PCDHA6: variants seen among roughly 807,000 people sequenced by gnomAD.
PCDHA6 encodes protocadherin alpha-6.
In PCDHA6, 55 loss-of-function variants were observed where a neutral mutation model predicts 60.3. The ratio of observed to expected loss-of-function variants is 0.91; its 90% CI spans 0.73 to 1.14. PCDHA6 has a LOEUF of 1.14. Among genes scored for constraint, PCDHA6 ranks in the 50% most tolerant of loss-of-function variants. The pLI is 0.00. For missense variants in PCDHA6, 1,327 were observed against 1,256.5 expected (o/e 1.06, Z -0.85); for synonymous variants, 652 against 557.9 (o/e 1.17, Z -2.38).
At chr5:140,948,395 T>C (rs1317288202) in intron 1 of PCDHA6, among the ~76,000 whole-genome samples, 1 of 151,580 alleles carries the variant, frequency 6.6e-6, no homozygotes, top group African/African-American at 2.4e-5. Context: ...TTCTGAAAGG[T>C]TGTGTAATAT....
rs2150186179 is a variant in PCDHA6 at position 140,830,409 on chromosome 5, G to C, written c.2318G>C (p.Ser773Thr). ...CCCAAGATGGATCTCATGGCCTTTA[G>C]CCCCAGCCTTTCACCTTGTCCTATT... is the stretch of plus-strand genomic sequence containing the variant. ...GPPKMDLMAF[S>T]PSLSPCPIMM... The change falls in exon 1 of 4, where the codon AGC (serine) becomes ACC (threonine). Residue 773 changes from serine to threonine, a missense_variant. Coordinates refer to ENST00000529310, the MANE Select transcript of PCDHA6 (RefSeq NM_018909.4). The C allele has an allele frequency of 6.2e-7, 1 of 1,614,158 alleles. No homozygotes were observed.
At chr5:140,873,867 G>A (rs2054538446) in intron 1 of PCDHA6, among the ~76,000 whole-genome samples, 1 of 152,098 alleles carries the variant, frequency 6.6e-6, no homozygotes, top group Non-Finnish European at 1.5e-5. Flanking sequence ...CACCATGTTG[G>A]CCAGGCTGGT....
chr5:140,841,845 A>G, intron 1 of PCDHA6: 1 of 1,613,930 alleles, frequency 6.2e-7, no homozygotes, highest in Non-Finnish European at 8.5e-7. Context: ...CTTAGCTCTC[A>G]TGATTACTTC....
At chr5:140,901,022 A>G (rs2068415143) in intron 1 of PCDHA6, among the ~76,000 whole-genome samples, 1 of 152,166 alleles carries the variant, frequency 6.6e-6, no homozygotes, top group Non-Finnish European at 1.5e-5. Flanking sequence ...AGAAACATCT[A>G]TTCAACTCTT....
At chr5:140,875,504 C>G (rs1554167711) in intron 1 of PCDHA6, 2 of 1,613,462 alleles carry the variant, frequency 1.2e-6, no homozygotes, top group African/African-American at 2.7e-5. Context: ...GGCCCGGGAT[C>G]CCAGCGTCTG....
intron 1 of PCDHA6, among the ~76,000 whole-genome samples, chr5:140,945,598 T>C (rs544036785): frequency 1.3e-5 from 2 of 152,116 alleles, no homozygotes; most frequent in South Asian, 2.1e-4. Flanking sequence ...TTCAAAGCTA[T>C]AATAATCAAA....
chr5:140,883,302 A>G, intron 1 of PCDHA6: 1 of 1,614,110 alleles, frequency 6.2e-7, no homozygotes, highest in Non-Finnish European at 8.5e-7. Flanking sequence ...GATGTAAATG[A>G]TAACGCCCCA....
In PCDHA6 at chr5:141,010,504, A is replaced by C; in HGVS notation, c.*567A>C. On this transcript the variant is annotated 3_prime_UTR_variant, in exon 4 of 4. Transcript: ENST00000529310. ...AACTTAAAGGGACCAGACTTTCTAA[A>C]TCTTACAACTCAAGAGGTGGCAGCC... is the stretch of plus-strand genomic sequence containing the variant. 1.8e-6 allele frequency: 1 copy of C among 549,734 alleles called. No homozygotes were observed. Among genetic ancestry groups the C allele is most frequent in the Non-Finnish European group, 2.9e-6 (1 of 344,512 alleles). The allele number at this position is 549,734 out of a possible 1,614,324, so 34.1% of individuals were successfully genotyped here.
chr5:140,881,680 T>G (rs1391876461), intron 1 of PCDHA6, among the ~76,000 whole-genome samples: 1 of 152,268 alleles, frequency 6.6e-6, no homozygotes. Flanking sequence ...GTGATTGTTA[T>G]GTTTCCTTTT....
At chr5:140,887,976 TA>T (rs1462545504) in intron 1 of PCDHA6, among the ~76,000 whole-genome samples, 1 of 152,256 alleles carries the variant, frequency 6.6e-6, no homozygotes, top group African/African-American at 2.4e-5. Context: ...TTTTAAAATT[TA>T]TTTTACATGT....
intron 1 of PCDHA6, among the ~76,000 whole-genome samples, chr5:140,937,785 G>A (rs962276976): frequency 7.3e-5 from 11 of 150,436 alleles, no homozygotes; most frequent in Non-Finnish European, 1.3e-4. Flanking sequence ...GGTGGCGGGC[G>A]TATGTAGTCC....
At chr5:140,897,656 C>T (rs2153457504) in intron 1 of PCDHA6, among the ~76,000 whole-genome samples, 1 of 152,200 alleles carries the variant, frequency 6.6e-6, no homozygotes, top group Non-Finnish European at 1.5e-5. Flanking sequence ...CATACGTGTG[C>T]ATGTGTCTTT....
intron 1 of PCDHA6, chr5:140,862,002 T>C (rs1430406580): frequency 6.4e-6 from 1 of 155,594 alleles, no homozygotes; most frequent in Non-Finnish European, 1.4e-5. Context: ...CACTGGTTAT[T>C]AGACTTAACC....
intron 1 of PCDHA6, chr5:140,841,947 A>G (rs2150326341): frequency 2.5e-6 from 4 of 1,613,886 alleles, no homozygotes; most frequent in Admixed American, 3.3e-5. Context: ...CCTGCGCACC[A>G]CTTATTCCTG....
chr5:140,834,243 A>C (rs1260140058), intron 1 of PCDHA6: 4 of 837,910 alleles, frequency 4.8e-6, no homozygotes, highest in Non-Finnish European at 7.4e-6. Flanking sequence ...TCCTTTTCGC[A>C]CTGGAAAGAC....
rs565095262 is a variant in PCDHA6, at chr5:140,873,057, T to C, written c.2394+42572T>C. 8.5e-4 allele frequency among the ~76,000 whole-genome samples: 129 copies of C among 152,336 alleles called. 1 individual carries two copies. Among genetic ancestry groups the C allele is most frequent in the Middle Eastern group, 3.4e-3 (1 of 294 alleles). ...TAGAGTGGTGGTATTACAGACTTTC[T>C]TGAGAATCATATCTAGCTATTTCCC... On this transcript the variant is annotated intron_variant, in intron 1 of 3. Transcript: ENST00000529310.
At chr5:141,009,173 G>A (rs1486905042) in intron 3 of PCDHA6, among the ~76,000 whole-genome samples, 3 of 152,204 alleles carry the variant, frequency 2.0e-5, no homozygotes, top group African/African-American at 7.2e-5. Flanking sequence ...TACTGGCCTT[G>A]GCTGGGTGTG....
At chr5:140,881,361 C>A (rs990387338) in intron 1 of PCDHA6, 6 of 985,126 alleles carry the variant, frequency 6.1e-6, no homozygotes, top group Non-Finnish European at 7.2e-6. Context: ...GCGTGGCTTT[C>A]GTATGAATTG....
chr5:140,934,925 A>G (rs2090105619), intron 1 of PCDHA6, among the ~76,000 whole-genome samples: 1 of 152,196 alleles, frequency 6.6e-6, no homozygotes, highest in African/African-American at 2.4e-5. Context: ...ATTCACATAA[A>G]GTTACAAAAC....
Sources: allele counts gnomAD v4.1 joint callset (sites outside exome capture counted in the v4.1 genomes callset), GRCh38; gene constraint gnomAD v4.1.1; transcripts MANE v1.5; gene names NCBI Gene and HGNC (gene_info 2026-07-23, HGNC 2026-07-21).